Variants in PADI2 observed in about 807,000 individuals in gnomAD.
PADI2 encodes the protein peptidyl arginine deiminase 2.
Under a neutral mutation model 81.1 loss-of-function variants are expected in PADI2, and 70 were observed. The observed-to-expected ratio is 0.86, with a 90% confidence interval of 0.71 to 1.05. PADI2 has a LOEUF of 1.05. Ranked by LOEUF, PADI2 falls within the 50% of genes least tolerant of loss-of-function variation. The pLI is 0.00. For synonymous variants in PADI2, 338 were observed against 358.0 expected (o/e 0.94, Z 0.63); for missense variants, 853 against 889.9 (o/e 0.96, Z 0.53).
chr1:17,102,059 C>G (rs1027789617), intron 3 of PADI2, among the ~76,000 whole-genome samples: 2 of 152,132 alleles, frequency 1.3e-5, no homozygotes, highest in East Asian at 3.9e-4. Context: ...AGTAGGCCTG[C>G]AATAAGCAGG....
chr1:17,105,751 A>C (rs1931352015), intron 1 of PADI2, among the ~76,000 whole-genome samples: 1 of 152,150 alleles, frequency 6.6e-6, no homozygotes, highest in African/African-American at 2.4e-5. Context: ...CCCACAGGTA[A>C]TCTGATCTGG....
intron 3 of PADI2, among the ~76,000 whole-genome samples, chr1:17,096,711 A>G (rs954599609): frequency 6.6e-6 from 1 of 152,228 alleles, no homozygotes; most frequent in African/African-American, 2.4e-5. Context: ...GAAAAGGTTT[A>G]GTATCAGACA....
In PADI2 at chr1:17,119,310, A is replaced by T. The variant is rs1384403712; in HGVS notation, c.62T>A (p.Leu21Gln). 5 of 1,561,720 alleles carry T rather than the reference A, an allele frequency of 3.2e-6. No individual in the cohort carries two copies. Among genetic ancestry groups the T allele is most frequent in the Non-Finnish European group, 4.3e-6 (5 of 1,154,302 alleles). Reference protein sequence around the residue: ...YGSRVEAVYVLGTYLWTDVYS... With the variant: ...YGSRVEAVYVQGTYLWTDVYS... ...GACATCGGTCCAGAGGTAGGTGCCCAGCACGTACACCGCCTCCACGCGGCT... is the reference window on the plus strand; with the variant it reads ...GACATCGGTCCAGAGGTAGGTGCCCTGCACGTACACCGCCTCCACGCGGCT... The change falls in exon 1 of 16, where the codon CTG becomes CAG. Residue 21 changes from leucine (L) to glutamine (Q), a missense_variant. Physicochemically the swap from Leu to Gln is moderately radical, Grantham distance 113. Transcript: ENST00000375486. The surrounding 1 kb of genome is among the most constrained non-coding windows in gnomAD (Gnocchi z 4.8).
At chr1:17,117,383 T>C (rs1305255610) in intron 1 of PADI2, among the ~76,000 whole-genome samples, 1 of 152,208 alleles carries the variant, frequency 6.6e-6, no homozygotes, top group African/African-American at 2.4e-5. Flanking sequence ...TGTTTTAACT[T>C]TAAAAAAGTG....
chr1:17,086,376 T>G, intron 7 of PADI2, 145 bp downstream of exon 7: 1 of 626,280 alleles, frequency 1.6e-6, no homozygotes, highest in Non-Finnish European at 2.7e-6. Flanking sequence ...CAGGCTTTGC[T>G]GGGGGGCATC....
In PADI2 at chr1:17,119,382, G is replaced by A. The variant is rs1022273249; in HGVS notation, c.-11C>T. 1.2e-5 allele frequency: 19 copies of A among 1,523,982 alleles called. No individual in the cohort carries two copies. The highest frequency in any genetic ancestry group is 1.7e-5 in the Non-Finnish European group (19 of 1,135,580). 94.4% of individuals were successfully genotyped at this position (1,523,982 alleles called of 1,614,324 possible). A position where few individuals can be genotyped will look rare whatever the true frequency, so the allele number is the denominator to read the frequency against. On this transcript the variant is annotated 5_prime_UTR_variant, in exon 1 of 16. Coordinates refer to ENST00000375486, the MANE Select transcript of PADI2 (RefSeq NM_007365.3). This position sits in a 1 kb window ranked among gnomAD's most constrained non-coding sequence, Gnocchi z 4.8. Reference sequence around the variant, plus strand: ...CCGCTCGCGCAGCATCCTCCCCGCCGCAGTGCCCGCGCTCGCTGGTCCGGG... The same window carrying A: ...CCGCTCGCGCAGCATCCTCCCCGCCACAGTGCCCGCGCTCGCTGGTCCGGG...
intron 6 of PADI2, among the ~76,000 whole-genome samples, chr1:17,087,518 T>TATTTATTTTTC (rs1930517361): frequency 6.6e-6 from 1 of 152,096 alleles, no homozygotes; most frequent in African/African-American, 2.4e-5. Flanking sequence ...ATTTATTTTT[T>TATTTATTTTTC]GAGACAGATT....
chr1:17,067,195 T>C lies in PADI2; in HGVS notation c.*1849A>G, dbSNP rs1381682326. ...ATGGGAGGCGCTCACTTCCCCCTAA[T>C]GTAGACTAAAAAAAAAAAGAAAAAA... On this transcript the variant is annotated 3_prime_UTR_variant, in exon 16 of 16. Coordinates refer to ENST00000375486, the MANE Select transcript of PADI2 (RefSeq NM_007365.3). The C allele has an allele frequency of 4.2e-5, 5 of 119,072 alleles. No homozygotes were observed. Among genetic ancestry groups the C allele is most frequent in the African/African-American group, 1.1e-4 (3 of 27,734 alleles). The allele number at this position is 119,072 out of a possible 1,614,324, so 7.4% of individuals were successfully genotyped here.
chr1:17,115,521 T>A lies in PADI2; in HGVS notation c.92+3759A>T, dbSNP rs1376712263. Among the ~76,000 whole-genome samples, 3 of 152,082 alleles carry A rather than the reference T, an allele frequency of 2.0e-5. No homozygotes were observed. Among genetic ancestry groups the A allele is most frequent in the Non-Finnish European group, 4.4e-5 (3 of 68,004 alleles). On this transcript the variant is annotated intron_variant, in intron 1 of 15. Transcript: ENST00000375486. This position sits in a 1 kb window ranked among gnomAD's most constrained non-coding sequence, Gnocchi z 4.1. ...CAAGGCCCAGCTTGTGGGCAGAGAG[T>A]GACCACCCTGCTACCTACTTTACTC...
At chr1:17,075,041 C>G in intron 12 of PADI2, 92 bp from the exon 13 acceptor site, 1 of 716,872 alleles carries the variant, frequency 1.4e-6, no homozygotes. Context: ...AGTGCCTTGC[C>G]TGCTCATTGC....
At chr1:17,106,266 G>A (rs1004016176) in intron 1 of PADI2, among the ~76,000 whole-genome samples, 9 of 152,104 alleles carry the variant, frequency 5.9e-5, no homozygotes, top group Non-Finnish European at 1.2e-4. Flanking sequence ...CAAGAACTCC[G>A]AAAGTATTTC....
At chr1:17,086,006 A>G (rs2076616) in intron 7 of PADI2, among the ~76,000 whole-genome samples, 58,839 of 152,076 alleles carry the variant, frequency 0.39, 11,929 homozygotes, top group East Asian at 0.62. Flanking sequence ...TTTCTCCCCA[A>G]AGCAAGAGCA....
intron 9 of PADI2, chr1:17,083,441 A>T (rs747373774): frequency 9.9e-6 from 4 of 404,318 alleles, no homozygotes; most frequent in Non-Finnish European, 1.8e-5. Context: ...CCATATTGAG[A>T]GACTGGCTTC....
chr1:17,094,157 G>A (rs553454879), intron 4 of PADI2, among the ~76,000 whole-genome samples: 6 of 152,254 alleles, frequency 3.9e-5, no homozygotes, highest in East Asian at 3.9e-4. Flanking sequence ...GAACAAACTC[G>A]GGCCAGATTG....
chr1:17,103,285 T>C (rs972595857), intron 2 of PADI2, among the ~76,000 whole-genome samples: 1 of 152,184 alleles, frequency 6.6e-6, no homozygotes, highest in Non-Finnish European at 1.5e-5. Flanking sequence ...AGAGGGCAGT[T>C]AGGATGCTGT....
intron 3 of PADI2, among the ~76,000 whole-genome samples, chr1:17,099,857 CAG>C (rs1931079488): frequency 1.3e-5 from 2 of 152,332 alleles, no homozygotes; most frequent in African/African-American, 4.8e-5. Context: ...AGCCAAGGCT[CAG>C]GGGGATGATG....
Position 17,069,170 on chromosome 1 carries a change from G to A in PADI2, c.1872C>T (p.Pro624=), listed in dbSNP as rs61731908. ...CGATGAAGGTGCATTCGAGGCCCAG[G>A]GGCTCCAGGAGGCCACGCACGTGCA... ...LEMHVRGLLE[P]LGLECTFIDD... Residue 624 remains proline (P), a synonymous_variant, in exon 16 of 16, where the codon CCC becomes CCT. Coordinates refer to ENST00000375486, the MANE Select transcript of PADI2 (RefSeq NM_007365.3). The A allele has an allele frequency of 1.0e-3, 1,634 of 1,614,206 alleles. 19 individuals carry two copies. In the African/African-American group the frequency reaches 0.02, roughly 19 times the overall value.
intron 4 of PADI2, 38 bp downstream of exon 4, chr1:17,095,871 C>G (rs1930904484): frequency 6.4e-7 from 1 of 1,563,690 alleles, no homozygotes; most frequent in Admixed American, 1.7e-5. Flanking sequence ...CTCGGAAGCC[C>G]TGGGTTCAGG....
At chr1:17,087,512 A>ATTTATTTT (rs146103860) in intron 6 of PADI2, among the ~76,000 whole-genome samples, 1 of 149,676 alleles carries the variant, frequency 6.7e-6, no homozygotes, top group African/African-American at 2.5e-5. Context: ...TTATTTATTT[A>ATTTATTTT]TTTTTTGAGA....
Sources: allele counts gnomAD v4.1 joint callset (sites outside exome capture counted in the v4.1 genomes callset), GRCh38; gene constraint gnomAD v4.1.1; non-coding constraint Gnocchi (gnomAD v3.1); transcripts MANE v1.5; gene names NCBI Gene and HGNC (gene_info 2026-07-23, HGNC 2026-07-21).